The following CBLB variants were observed in gnomAD, a reference collection of about 807,000 sequenced individuals.
CBLB encodes Cbl proto-oncogene B.
Under a neutral mutation model 104.9 loss-of-function variants are expected in CBLB, and 31 were observed. That is an observed-to-expected ratio of 0.30 (90% confidence interval 0.22 to 0.40). CBLB has a LOEUF of 0.40. Among genes scored for constraint, CBLB ranks in the 10% least tolerant of loss-of-function variants. The pLI is 1.00. For synonymous variants in CBLB, 440 were observed against 422.6 expected (o/e 1.04, Z -0.51); for missense variants, 1,062 against 1,214.6 (o/e 0.87, Z 1.87).
chr3:105,722,115 G>A (rs569386324), intron 9 of CBLB, among the ~76,000 whole-genome samples: 8 of 147,668 alleles, frequency 5.4e-5, no homozygotes, highest in East Asian at 2.0e-4. Flanking sequence ...TGGGGGCTTC[G>A]CTTGAGACCA....
At chr3:105,715,003 C>T (rs375083170) in intron 10 of CBLB, among the ~76,000 whole-genome samples, 2 of 152,200 alleles carry the variant, frequency 1.3e-5, no homozygotes, top group East Asian at 3.8e-4. Context: ...CTAGTTCAGT[C>T]TGTCAACATT....
At chr3:105,769,452 G>T (rs1297111323) in intron 4 of CBLB, among the ~76,000 whole-genome samples, 5 of 152,134 alleles carry the variant, frequency 3.3e-5, no homozygotes, top group Admixed American at 2.6e-4. Flanking sequence ...TGAGAAATGG[G>T]GGCATGTCAG....
At position 105,660,286 on chromosome 3, in the gene CBLB, G is replaced by A. The variant is rs370229554; in HGVS notation, c.2690-1057C>T. Among the ~76,000 whole-genome samples the A allele has an allele frequency of 3.3e-4, 50 of 152,126 alleles. 1 individual carries two copies. The South Asian group carries it at 1.0e-2, about 30-fold the overall frequency. ...TGCAACCTCCACCTCCCGAGTTCAA[G>A]CAATTCTACTACCGCCTCAGCTTCC... is the stretch of plus-strand genomic sequence containing the variant. On this transcript the variant is annotated intron_variant, in intron 18 of 18. Transcript: ENST00000394030.
chr3:105,769,601 G>C (rs1423236384), intron 4 of CBLB, among the ~76,000 whole-genome samples: 1 of 152,142 alleles, frequency 6.6e-6, no homozygotes, highest in Non-Finnish European at 1.5e-5. Flanking sequence ...TATCCAAGCA[G>C]TGAATGCAAC....
intron 13 of CBLB, among the ~76,000 whole-genome samples, chr3:105,691,671 T>C (rs1476783629): frequency 6.6e-6 from 1 of 152,124 alleles, no homozygotes; most frequent in African/African-American, 2.4e-5. Flanking sequence ...TAGAATATAA[T>C]CATATGTTGT....
intron 3 of CBLB, among the ~76,000 whole-genome samples, chr3:105,841,104 G>T (rs944374325): frequency 6.6e-6 from 1 of 151,984 alleles, no homozygotes; most frequent in African/African-American, 2.4e-5. Flanking sequence ...GACCAGTCTG[G>T]CCAACATGGT....
intron 18 of CBLB, among the ~76,000 whole-genome samples, chr3:105,659,646 T>A (rs1352742776): frequency 6.6e-6 from 1 of 151,714 alleles, no homozygotes; most frequent in Non-Finnish European, 1.5e-5. Context: ...TCTTGGGAGG[T>A]TTCTATGAGA....
chr3:105,822,015 C>T (rs1490540393), intron 3 of CBLB, among the ~76,000 whole-genome samples: 1 of 151,970 alleles, frequency 6.6e-6, no homozygotes, highest in Non-Finnish European at 1.5e-5. Context: ...AAATGTGGCT[C>T]ATTATATTTA....
intron 9 of CBLB, among the ~76,000 whole-genome samples, chr3:105,729,816 C>T (rs144923508): frequency 1.1e-4 from 16 of 152,136 alleles, no homozygotes; most frequent in African/African-American, 3.6e-4. Flanking sequence ...CTTTATAGGA[C>T]TTTTATTTTT....
intron 7 of CBLB, among the ~76,000 whole-genome samples, chr3:105,737,670 A>G (rs997332142): frequency 1.3e-5 from 2 of 152,134 alleles, no homozygotes; most frequent in African/African-American, 4.8e-5. Flanking sequence ...CTAATACCAC[A>G]TGGAAAGAAA....
intron 2 of CBLB, among the ~76,000 whole-genome samples, chr3:105,855,285 G>A (rs1480227556): frequency 6.6e-6 from 1 of 152,110 alleles, no homozygotes; most frequent in East Asian, 1.9e-4. Flanking sequence ...AGAGAAGAAG[G>A]TCAAAGAGTA....
intron 17 of CBLB, among the ~76,000 whole-genome samples, chr3:105,677,306 T>A (rs1049749152): frequency 2.0e-5 from 3 of 151,256 alleles, no homozygotes; most frequent in Non-Finnish European, 4.4e-5. Context: ...ATAACTTGTG[T>A]GTCTTATCAA....
intron 17 of CBLB, chr3:105,670,778 T>C (rs1216635874): frequency 5.5e-6 from 1 of 182,064 alleles, no homozygotes; most frequent in African/African-American, 2.4e-5. Flanking sequence ...TCAAATTACT[T>C]GATCTCTCTA....
chr3:105,658,479 C>T lies in CBLB; in HGVS notation c.*491G>A. 1 of 229,324 alleles carries T rather than the reference C, an allele frequency of 4.4e-6. No homozygotes were observed. Among genetic ancestry groups the T allele is most frequent in the East Asian group, 6.4e-5 (1 of 15,676 alleles). The allele number at this position is 229,324 out of a possible 1,614,324, so 14.2% of individuals were successfully genotyped here. A position where few individuals can be genotyped will look rare whatever the true frequency, so the allele number is the denominator to read the frequency against. On this transcript the variant is annotated 3_prime_UTR_variant, in exon 19 of 19. Transcript: ENST00000394030. ...TGAGAGAAATGGAACTGGACCTGGG[C>T]AAGGCATGGGGATGGTAGAGATCCA...
At chr3:105,839,583 C>G (rs2089223227) in intron 3 of CBLB, 1 of 152,220 alleles carries the variant, frequency 6.6e-6, no homozygotes, top group Non-Finnish European at 1.5e-5. Flanking sequence ...CAGGAATCAG[C>G]AAACATTTGC....
chr3:105,835,989 G>A (rs1176573194), intron 3 of CBLB, among the ~76,000 whole-genome samples: 1 of 151,902 alleles, frequency 6.6e-6, no homozygotes, highest in Non-Finnish European at 1.5e-5. Context: ...ATGTTATCTG[G>A]TACACAATAC....
intron 13 of CBLB, among the ~76,000 whole-genome samples, chr3:105,689,151 C>T (rs2152746437): frequency 6.6e-6 from 1 of 152,112 alleles, no homozygotes; most frequent in African/African-American, 2.4e-5. Flanking sequence ...TATTTGTTTA[C>T]TTTCTCTTCT....
At chr3:105,735,897 G>A (rs1215319159) in intron 8 of CBLB, among the ~76,000 whole-genome samples, 4 of 152,178 alleles carry the variant, frequency 2.6e-5, no homozygotes, top group Non-Finnish European at 5.9e-5. Flanking sequence ...AGTGAGCCGA[G>A]ATCGCGTCAC....
At chr3:105,675,481 T>C (rs1417265825) in intron 17 of CBLB, among the ~76,000 whole-genome samples, 1 of 152,206 alleles carries the variant, frequency 6.6e-6, no homozygotes, top group Non-Finnish European at 1.5e-5. Context: ...AAAAAATCTT[T>C]ATGCTCTATG....
Sources: gnomAD v4.1 joint callset for allele counts (sites outside exome capture counted in the v4.1 genomes callset) on GRCh38, gnomAD v4.1.1 for gene constraint, MANE v1.5 for transcripts, NCBI Gene and HGNC (gene_info 2026-07-23, HGNC 2026-07-21) for gene names.